Variants in SV2B observed in about 807,000 individuals in gnomAD.
SV2B encodes solute carrier family 22 member B2.
SV2B carries 41 observed loss-of-function variants against 73.9 expected under a neutral mutation model. The ratio of observed to expected loss-of-function variants is 0.56; its 90% CI spans 0.43 to 0.72. The LOEUF is 0.72. Among genes scored for constraint, SV2B ranks in the 30% least tolerant of loss-of-function variants. The pLI is 0.00. For missense variants in SV2B, 764 were observed against 857.8 expected, an observed-to-expected ratio of 0.89 and a Z score of 1.37; for synonymous variants, 314 against 314.2, an observed-to-expected ratio of 1.00 and a Z score of 0.01.
At chr15:91,248,950 A>G (rs778643993) in intron 2 of SV2B, among the ~76,000 whole-genome samples, 9 of 151,622 alleles carry the variant, frequency 5.9e-5, no homozygotes, top group Non-Finnish European at 1.3e-4. Flanking sequence ...TCTCTGGAGC[A>G]CTCCTCTAAG....
chr15:91,243,532 T>C (rs2047106891), intron 2 of SV2B, among the ~76,000 whole-genome samples: 1 of 152,188 alleles, frequency 6.6e-6, no homozygotes, highest in Admixed American at 6.5e-5. Flanking sequence ...TCTTAAATCC[T>C]TTCTATTGCA....
At position 91,224,447 on chromosome 15, in the gene SV2B, C is replaced by T. The variant is rs2046311556; in HGVS notation, c.-391-1426C>T. On this transcript the variant is annotated intron_variant, in intron 1 of 12. Coordinates refer to ENST00000394232, the MANE Select transcript of SV2B (RefSeq NM_001323032.3). The surrounding 1 kb of genome is among the most constrained non-coding windows in gnomAD (Gnocchi z 4.9). The stretch of plus-strand genomic sequence containing the variant: ...GCTGACGCCTAGCCCTGAGGGGCTA[C>T]TCAGTGAGGCGGGGCCTCAGAGCCA... 6.6e-6 allele frequency among the ~76,000 whole-genome samples: 1 copy of T among 152,164 alleles called. No homozygotes were observed. The highest frequency in any genetic ancestry group is 6.5e-5 in the Admixed American group (1 of 15,282).
chr15:91,196,730 C>G (rs1294674972), intron 1 of SV2B, among the ~76,000 whole-genome samples: 2 of 152,170 alleles, frequency 1.3e-5, no homozygotes, highest in African/African-American at 4.8e-5. Context: ...ATATGTGAAG[C>G]AAATTTTTTG....
chr15:91,243,743 A>G (rs1314009850), intron 2 of SV2B, among the ~76,000 whole-genome samples: 3 of 152,128 alleles, frequency 2.0e-5, no homozygotes, highest in African/African-American at 7.2e-5. Context: ...GGTTGGAGAG[A>G]GAACTTCTTC....
intron 1 of SV2B, among the ~76,000 whole-genome samples, chr15:91,218,114 A>C (rs1169334775): frequency 6.6e-6 from 1 of 152,254 alleles, no homozygotes; most frequent in Non-Finnish European, 1.5e-5. Flanking sequence ...TATAAGTTTT[A>C]TGTGACATGG....
intron 1 of SV2B, among the ~76,000 whole-genome samples, chr15:91,111,542 A>G (rs1014604210): frequency 1.3e-5 from 2 of 152,194 alleles, no homozygotes; most frequent in Admixed American, 1.3e-4. Flanking sequence ...GCTATTGGAC[A>G]GGAGAGGGGA....
At chr15:91,135,226 T>A (rs1369075052) in intron 1 of SV2B, among the ~76,000 whole-genome samples, 2 of 152,188 alleles carry the variant, frequency 1.3e-5, no homozygotes, top group Non-Finnish European at 2.9e-5. Flanking sequence ...CAAACCATTG[T>A]GATATCTAAG....
At chr15:91,107,391 C>T (rs2041914852) in intron 1 of SV2B, among the ~76,000 whole-genome samples, 1 of 151,984 alleles carries the variant, frequency 6.6e-6, no homozygotes, top group Non-Finnish European at 1.5e-5. Flanking sequence ...TAGCTCACTG[C>T]AACCTCTGCC....
chr15:91,186,358 CATATT>C lies in SV2B; in HGVS notation c.-391-39511_-391-39507del, dbSNP rs777170724. Reference sequence around the variant, plus strand: ...CACTGAGCAAAAATTATATATAAAACATATTATAGTGAATTGGCATCATGATAAAT... The same window carrying C: ...CACTGAGCAAAAATTATATATAAAACATAGTGAATTGGCATCATGATAAAT... On this transcript the variant is annotated intron_variant, in intron 1 of 12. Coordinates refer to ENST00000394232, the MANE Select transcript of SV2B (RefSeq NM_001323032.3). Among the ~76,000 whole-genome samples the C allele has an allele frequency of 4.5e-4, 68 of 152,230 alleles. 1 individual carries two copies. The highest frequency in any genetic ancestry group is 1.1e-3 in the Admixed American group (17 of 15,304).
intron 1 of SV2B, among the ~76,000 whole-genome samples, chr15:91,101,305 T>C (rs2041717633): frequency 6.6e-6 from 1 of 152,022 alleles, no homozygotes; most frequent in Non-Finnish European, 1.5e-5. Context: ...TTCTGGTCTA[T>C]GCTGGTCTCC....
chr15:91,138,098 C>A (rs1266848178), intron 1 of SV2B, among the ~76,000 whole-genome samples: 2 of 152,128 alleles, frequency 1.3e-5, no homozygotes, highest in African/African-American at 4.8e-5. Context: ...AGAAGTATCA[C>A]AACACTACCT....
intron 2 of SV2B, among the ~76,000 whole-genome samples, chr15:91,248,064 G>A (rs898004381): frequency 6.6e-6 from 1 of 152,184 alleles, no homozygotes; most frequent in African/African-American, 2.4e-5. Context: ...TGTCACGCCT[G>A]TAATCCCAGC....
intron 1 of SV2B, among the ~76,000 whole-genome samples, chr15:91,188,845 A>C (rs2044884280): frequency 6.6e-6 from 1 of 151,634 alleles, no homozygotes; most frequent in South Asian, 2.1e-4. Flanking sequence ...TTTATTTTTG[A>C]GATGGAGTTT....
intron 4 of SV2B, among the ~76,000 whole-genome samples, chr15:91,257,543 G>A (rs2047741108): frequency 6.6e-6 from 1 of 152,200 alleles, no homozygotes; most frequent in African/African-American, 2.4e-5. Flanking sequence ...ATGATGATGG[G>A]ATGCATTGGA....
chr15:91,268,154 T>C lies in SV2B; in HGVS notation c.1209-287T>C, dbSNP rs11637525. On this transcript the variant is annotated intron_variant, in intron 8 of 12. Transcript: ENST00000394232. This position sits in a 1 kb window ranked among gnomAD's most constrained non-coding sequence, Gnocchi z 4.4. ...ATTCACTAAGATTCTGGCTGAGACA[T>C]GTATATTTTACATGTTAAGGAGGTG... Among the ~76,000 whole-genome samples the C allele has an allele frequency of 0.27, 41,292 of 152,118 alleles. 6,539 individuals are homozygous for C. Among genetic ancestry groups the C allele is most frequent in the African/African-American group, 0.44 (18,206 of 41,458 alleles).
intron 6 of SV2B, 42 bp from the exon 7 acceptor site, chr15:91,266,540 A>ATTTTTTTTTTC: frequency 6.8e-7 from 1 of 1,476,442 alleles, no homozygotes; most frequent in Non-Finnish European, 9.5e-7. Context: ...CTCTGACACA[A>ATTTTTTTTTTC]AGTGGGGTTC....
chr15:91,289,316 C>G lies in SV2B; in HGVS notation c.1709-205C>G, dbSNP rs573427047. ...TTCCTAAGTCTGGTGATCTGACCCA[C>G]GCAGAGGGCTCTAATGCCATGTCTG... is the stretch of plus-strand genomic sequence containing the variant. On this transcript the variant is annotated intron_variant, in intron 11 of 12. Coordinates refer to ENST00000394232, the MANE Select transcript of SV2B (RefSeq NM_001323032.3). This position sits in a 1 kb window ranked among gnomAD's most constrained non-coding sequence, Gnocchi z 4.9. 6.6e-6 allele frequency among the ~76,000 whole-genome samples: 1 copy of G among 152,162 alleles called. No individual in the cohort carries two copies. The highest frequency in any genetic ancestry group is 2.4e-5 in the African/African-American group (1 of 41,432).
intron 1 of SV2B, among the ~76,000 whole-genome samples, chr15:91,215,588 A>G (rs1443420552): frequency 6.6e-6 from 1 of 152,210 alleles, no homozygotes; most frequent in Non-Finnish European, 1.5e-5. Context: ...ATAAATACAT[A>G]TTCATATAAT....
chr15:91,171,434 C>T (rs1361013047), intron 1 of SV2B, among the ~76,000 whole-genome samples: 1 of 152,202 alleles, frequency 6.6e-6, no homozygotes, highest in Non-Finnish European at 1.5e-5. Context: ...TGTGTCTTGA[C>T]TGGCTGGGCC....
Sources: gnomAD v4.1 joint callset for allele counts (sites outside exome capture counted in the v4.1 genomes callset) on GRCh38, gnomAD v4.1.1 for gene constraint, Gnocchi (gnomAD v3.1) non-coding constraint, MANE v1.5 for transcripts, NCBI Gene and HGNC (gene_info 2026-07-23, HGNC 2026-07-21) for gene names.